TUSC3: variants seen among roughly 807,000 people sequenced by gnomAD.
TUSC3 encodes the protein dolichyl-diphosphooligosaccharide--protein glycosyltransferase subunit TUSC3.
In TUSC3, 45 loss-of-function variants were observed where a neutral mutation model predicts 44.8. That is an observed-to-expected ratio of 1.00 (90% CI 0.79 to 1.29). TUSC3 has a LOEUF of 1.29. Ranked by LOEUF, TUSC3 falls within the 50% of genes most tolerant of loss-of-function variation. The pLI, the probability that TUSC3 is intolerant of heterozygous loss-of-function variation, is 0.00. For synonymous variants in TUSC3, 212 were observed against 152.9 expected, an observed-to-expected ratio of 1.39 and a Z score of -2.85; for missense variants, 519 against 437.9, an observed-to-expected ratio of 1.19 and a Z score of -1.65.
At chr8:15,424,630 C>T (rs28523338) in intron 1 of TUSC3, among the ~76,000 whole-genome samples, 24,244 of 152,028 alleles carry the variant, frequency 0.16, 2,354 homozygotes, top group African/African-American at 0.27. Context: ...CCTGTAATCC[C>T]AGCACTCTGG....
chr8:15,722,646 C>T (rs1484954826), intron 6 of TUSC3, among the ~76,000 whole-genome samples: 2 of 152,044 alleles, frequency 1.3e-5, no homozygotes, highest in Non-Finnish European at 2.9e-5. Context: ...TTCATGTATA[C>T]AGAATCTTCT....
rs191742139 is a variant in TUSC3 at position 15,435,342 on chromosome 8, G to A, written n.91+18037G>A. Among the ~76,000 whole-genome samples, 57 of 152,196 alleles carry A rather than the reference G, an allele frequency of 3.7e-4. 1 individual carries two copies. In the East Asian group the frequency reaches 9.7e-3, roughly 26 times the overall value. On this transcript the variant is annotated intron_variant and non_coding_transcript_variant, in intron 1 of 5. Coordinates refer to the TUSC3 transcript ENST00000503191. ...GGCTGCATAAATGCAACAAGTGGGC[G>A]AAGGATATGAACAGACACTTCTCAA...
chr8:15,767,446 AC>A (rs1462514195), downstream of TUSC3, among the ~76,000 whole-genome samples: 2 of 151,532 alleles, frequency 1.3e-5, no homozygotes, highest in Non-Finnish European at 2.9e-5. Flanking sequence ...AAAAAAAAAA[AC>A]ACTGTCACAT....
At chr8:15,490,911 G>A (rs1800799927) in intron 2 of TUSC3, among the ~76,000 whole-genome samples, 2 of 152,132 alleles carry the variant, frequency 1.3e-5, no homozygotes, top group South Asian at 4.1e-4. Context: ...AGGAAAAAAG[G>A]AACACAAAAC....
intron 1 of TUSC3, among the ~76,000 whole-genome samples, chr8:15,561,330 A>T (rs1337225994): frequency 6.8e-6 from 1 of 146,206 alleles, no homozygotes; most frequent in Non-Finnish European, 1.5e-5. Flanking sequence ...GTCAGGGGTC[A>T]GGGACCCACT....
intron 2 of TUSC3, among the ~76,000 whole-genome samples, chr8:15,517,354 C>T (rs17657626): frequency 0.017 from 2,652 of 152,060 alleles, 44 homozygotes; most frequent in East Asian, 0.08. Flanking sequence ...CTGAATTACA[C>T]CCCGATCTTT....
intron 6 of TUSC3, among the ~76,000 whole-genome samples, chr8:15,707,040 T>C (rs1026268796): frequency 6.6e-6 from 1 of 152,030 alleles, no homozygotes; most frequent in Non-Finnish European, 1.5e-5. Context: ...TCCATGTTTT[T>C]ACCTGACTGC....
At chr8:15,489,961 T>C (rs1393587556) in intron 2 of TUSC3, among the ~76,000 whole-genome samples, 1 of 152,196 alleles carries the variant, frequency 6.6e-6, no homozygotes, top group Non-Finnish European at 1.5e-5. Flanking sequence ...AGTTTTGTAA[T>C]TCTGTTGGTG....
intron 1 of TUSC3, among the ~76,000 whole-genome samples, chr8:15,461,124 G>A (rs1287592643): frequency 6.6e-6 from 1 of 151,552 alleles, no homozygotes; most frequent in Non-Finnish European, 1.5e-5. Context: ...TTGGCAGTAT[G>A]GTCATTTTCA....
intron 1 of TUSC3, among the ~76,000 whole-genome samples, chr8:15,552,282 C>T (rs957399864): frequency 2.0e-5 from 3 of 151,676 alleles, no homozygotes; most frequent in Admixed American, 2.0e-4. Context: ...TGTGATCTGT[C>T]ATTTTTTGTC....
intron 1 of TUSC3, among the ~76,000 whole-genome samples, chr8:15,620,585 A>C (rs1479477304): frequency 2.0e-5 from 3 of 152,176 alleles, no homozygotes; most frequent in Admixed American, 2.0e-4. Context: ...GTGTACTACA[A>C]AAAGGAATTC....
chr8:15,749,955 T>A (rs1174182214), intron 9 of TUSC3, among the ~76,000 whole-genome samples: 1 of 149,854 alleles, frequency 6.7e-6, no homozygotes, highest in Non-Finnish European at 1.5e-5. Context: ...TATGAAAAGA[T>A]AAACTATACA....
rs546327513 is a variant in TUSC3, at chr8:15,717,832, A to G, written c.799-12834A>G. On this transcript the variant is annotated intron_variant, in intron 6 of 10. Transcript: ENST00000503731. ...GAAAAATACTTTTATCCCTAGTTACAAAGGAGGTTAACTCAAGCGCAGATT... is the reference window on the plus strand; with the variant it reads ...GAAAAATACTTTTATCCCTAGTTACGAAGGAGGTTAACTCAAGCGCAGATT... Among the ~76,000 whole-genome samples the G allele has an allele frequency of 2.4e-4, 37 of 152,202 alleles. No homozygotes were observed. The South Asian group carries it at 6.8e-3, about 28-fold the overall frequency.
the TUSC3 span, among the ~76,000 whole-genome samples, chr8:15,774,990 A>G: frequency 1.3e-5 from 2 of 152,284 alleles, no homozygotes; most frequent in African/African-American, 4.8e-5. Flanking sequence ...AAATAAGGGA[A>G]AATAGGTGTT....
the TUSC3 span, among the ~76,000 whole-genome samples, chr8:15,794,594 G>A: frequency 1.3e-5 from 2 of 152,100 alleles, no homozygotes; most frequent in African/African-American, 4.8e-5. Context: ...TAAAGCAATA[G>A]CATAGCCAGA....
At chr8:15,682,942 G>A (rs1808485797) in intron 6 of TUSC3, among the ~76,000 whole-genome samples, 1 of 151,982 alleles carries the variant, frequency 6.6e-6, no homozygotes. Context: ...TTCTTGGTTG[G>A]AATTTTGTTT....
At position 15,540,570 on chromosome 8, in the gene TUSC3, T is replaced by C; in HGVS notation, c.138+2T>C. On this transcript the variant is annotated splice_donor_variant, in intron 1 of 10. Coordinates refer to ENST00000503731, the MANE Select transcript of TUSC3 (RefSeq NM_006765.4). LOFTEE classifies it high-confidence loss of function. ...GGGGGAGGACAGAAGAAAAAGGAGG[T>C]AGAATGGATCCCCTTGGCCTTCCCC... is the stretch of plus-strand genomic sequence containing the variant. 6.3e-7 allele frequency: 1 copy of C among 1,576,548 alleles called. No individual in the cohort carries two copies. Among genetic ancestry groups the C allele is most frequent in the Non-Finnish European group, 8.6e-7 (1 of 1,161,560 alleles).
At chr8:15,851,897 A>T in the TUSC3 span, among the ~76,000 whole-genome samples, 1 of 152,138 alleles carries the variant, frequency 6.6e-6, no homozygotes, top group Non-Finnish European at 1.5e-5. Flanking sequence ...GGATTCCCCC[A>T]TACTGTTCTC....
intron 10 of TUSC3, among the ~76,000 whole-genome samples, chr8:15,761,098 A>T (rs1812152264): frequency 6.6e-6 from 1 of 152,204 alleles, no homozygotes; most frequent in Non-Finnish European, 1.5e-5. Flanking sequence ...ATGCTGATTG[A>T]AACAGACTTT....
Sources: gnomAD v4.1 joint callset for allele counts (sites outside exome capture counted in the v4.1 genomes callset) on GRCh38, gnomAD v4.1.1 for gene constraint, MANE v1.5 for transcripts, NCBI Gene and HGNC (gene_info 2026-07-23, HGNC 2026-07-21) for gene names.